IL1RAPL2: variants seen among roughly 807,000 people sequenced by gnomAD.
The protein encoded by IL1RAPL2 is X-linked interleukin-1 receptor accessory protein-like 2.
A neutral mutation model predicts 44.1 loss-of-function variants in IL1RAPL2; 3 were observed. The ratio of observed to expected loss-of-function variants is 0.07; its 90% confidence interval spans 0.03 to 0.18. IL1RAPL2 has a LOEUF of 0.18. Among genes scored for constraint, IL1RAPL2 ranks in the 10% least tolerant of loss-of-function variants. The pLI is 1.00. For missense variants in IL1RAPL2, 391 were observed against 496.4 expected (o/e 0.79, Z 2.02); for synonymous variants, 181 against 178.8 (o/e 1.01, Z -0.10).
At chrX:105,258,343 C>A (rs1224308991) in intron 4 of IL1RAPL2, among the ~76,000 whole-genome samples, 1 of 111,454 alleles carries the variant, frequency 9.0e-6, no homozygotes, top group Non-Finnish European at 1.9e-5. Flanking sequence ...CCTGCCCTTT[C>A]TCTCTAGCTG....
intron 5 of IL1RAPL2, among the ~76,000 whole-genome samples, chrX:105,429,124 C>T (rs375130152): frequency 1.8e-5 from 2 of 111,473 alleles, no homozygotes; most frequent in Non-Finnish European, 3.8e-5. Context: ...ACAAAGAAAT[C>T]GTTCACCACT....
chrX:105,369,263 TCTC>T (rs1171684564), intron 5 of IL1RAPL2, among the ~76,000 whole-genome samples: 1 of 111,153 alleles, frequency 9.0e-6, no homozygotes, highest in Non-Finnish European at 1.9e-5. Context: ...AGATAAAAAT[TCTC>T]CTCTCTCAGT....
At chrX:105,530,724 G>A (rs1414336612) in intron 6 of IL1RAPL2, among the ~76,000 whole-genome samples, 1 of 69,740 alleles carries the variant, frequency 1.4e-5, no homozygotes, top group Admixed American at 1.8e-4. Context: ...CTTCCCCCCC[G>A]CCCCCACCCC....
chrX:105,304,055 G>A (rs1476891690), intron 5 of IL1RAPL2, among the ~76,000 whole-genome samples: 4 of 112,941 alleles, frequency 3.5e-5, no homozygotes, highest in Admixed American at 1.9e-4. Context: ...CATCCACTTG[G>A]GCTTTCCTCT....
chrX:104,658,991 T>G lies in IL1RAPL2; in HGVS notation c.78T>G (p.Asn26Lys). Residue 26 changes from asparagine (N) to lysine (K), a missense_variant, in exon 2 of 11, where the codon AAT becomes AAG. Coordinates refer to ENST00000372582, the MANE Select transcript of IL1RAPL2 (RefSeq NM_017416.2). ...ATCTGAAGATGGTGTCAAAGAGAAA[T>G]TCTGGTAAGTTGCTGGCAACTTGCC... The part of the protein sequence containing the change: ...STNLKMVSKR[N>K]SVDGCIDWSV... 1.7e-6 allele frequency: 2 copies of G among 1,192,671 alleles called. No individual in the cohort carries two copies. The highest frequency in any genetic ancestry group is 5.9e-5 in the East Asian group (2 of 33,638).
intron 2 of IL1RAPL2, among the ~76,000 whole-genome samples, chrX:104,674,606 C>T (rs1486003402): frequency 9.0e-6 from 1 of 111,063 alleles, no homozygotes; most frequent in African/African-American, 3.3e-5. Flanking sequence ...ATTATGCTGG[C>T]CTCATAAAAT....
chrX:105,405,859 TA>T (rs2035639957), intron 5 of IL1RAPL2: 1 of 1,170,829 alleles, frequency 8.5e-7, no homozygotes, highest in East Asian at 3.0e-5. Flanking sequence ...AAACTCGGCA[TA>T]AAAGCCACCA....
chrX:104,716,162 CACAA>C (rs955862020), intron 2 of IL1RAPL2, among the ~76,000 whole-genome samples: 3 of 111,261 alleles, frequency 2.7e-5, no homozygotes, highest in African/African-American at 9.8e-5. Context: ...ACAAACTTAA[CACAA>C]ACAAGCAATG....
chrX:105,684,014 C>T (rs1044002373), intron 6 of IL1RAPL2, among the ~76,000 whole-genome samples: 2 of 112,301 alleles, frequency 1.8e-5, no homozygotes, highest in East Asian at 5.6e-4. Context: ...TCTAGATATC[C>T]AATGACTATC....
At chrX:105,244,160 G>A (rs1253158449) in intron 4 of IL1RAPL2, among the ~76,000 whole-genome samples, 5 of 110,529 alleles carry the variant, frequency 4.5e-5, no homozygotes, top group Non-Finnish European at 9.5e-5. Flanking sequence ...TGCTTGAGGG[G>A]CCTCATACTT....
chrX:105,729,557 A>T (rs2038382828), intron 7 of IL1RAPL2, among the ~76,000 whole-genome samples: 3 of 110,621 alleles, frequency 2.7e-5, no homozygotes, highest in Admixed American at 1.9e-4. Flanking sequence ...TAGTTTTTTT[A>T]TGGTTGAGTT....
At chrX:104,666,129 TAG>T (rs1013362435) in intron 2 of IL1RAPL2, among the ~76,000 whole-genome samples, 5 of 107,839 alleles carry the variant, frequency 4.6e-5, no homozygotes, top group Admixed American at 1.0e-4. Flanking sequence ...GTCTGAGACA[TAG>T]AGAGAGAGAG....
At chrX:105,568,809 A>G in intron 6 of IL1RAPL2, among the ~76,000 whole-genome samples, 1 of 111,950 alleles carries the variant, frequency 8.9e-6, no homozygotes, top group Middle Eastern at 4.2e-3. Context: ...TTACCGGATT[A>G]TGTGGAATGC....
chrX:105,392,074 A>T (rs1429988897), intron 5 of IL1RAPL2, among the ~76,000 whole-genome samples: 3 of 107,249 alleles, frequency 2.8e-5, no homozygotes, highest in Non-Finnish European at 5.8e-5. Context: ...GCAGCACACC[A>T]GCATAGCACA....
intron 5 of IL1RAPL2, among the ~76,000 whole-genome samples, chrX:105,302,933 A>G (rs1176749289): frequency 9.0e-6 from 1 of 111,715 alleles, no homozygotes; most frequent in Non-Finnish European, 1.9e-5. Context: ...GCTGGGTTGG[A>G]TGATTTGCCC....
chrX:104,882,036 G>T (rs1923083671), intron 2 of IL1RAPL2, among the ~76,000 whole-genome samples: 1 of 111,967 alleles, frequency 8.9e-6, no homozygotes, highest in South Asian at 3.7e-4. Context: ...AGTCATATTT[G>T]GTCAACAGGC....
chrX:105,350,915 T>G (rs1602370787), intron 5 of IL1RAPL2, among the ~76,000 whole-genome samples: 1 of 110,905 alleles, frequency 9.0e-6, no homozygotes, highest in African/African-American at 3.3e-5. Flanking sequence ...ACAAAGAACT[T>G]AAACAAATTT....
intron 5 of IL1RAPL2, among the ~76,000 whole-genome samples, chrX:105,467,078 G>C (rs1182796668): frequency 9.0e-6 from 1 of 111,528 alleles, no homozygotes; most frequent in African/African-American, 3.3e-5. Context: ...CAACACTACT[G>C]TATTGGGGAC....
At chrX:104,676,490 C>G (rs1930760945) in intron 2 of IL1RAPL2, among the ~76,000 whole-genome samples, 1 of 111,764 alleles carries the variant, frequency 8.9e-6, no homozygotes, top group Non-Finnish European at 1.9e-5. Flanking sequence ...GATGGGCTTC[C>G]CTTTGTGGGC....
Sources: allele counts gnomAD v4.1 joint callset (sites outside exome capture counted in the v4.1 genomes callset), GRCh38; gene constraint gnomAD v4.1.1; transcripts MANE v1.5; gene names NCBI Gene and HGNC (gene_info 2026-07-23, HGNC 2026-07-21).